Variants in CDH13 observed in about 807,000 individuals in gnomAD.
CDH13 encodes cadherin 13.
In CDH13, 24 loss-of-function variants were observed where a neutral mutation model predicts 63.8. The ratio of observed to expected loss-of-function variants is 0.38; its 90% CI spans 0.27 to 0.53. The LOEUF is 0.53. Ranked by LOEUF, CDH13 falls within the 20% of genes least tolerant of loss-of-function variation. CDH13 has a pLI of 0.85. For missense variants in CDH13, 1,049 were observed against 903.1 expected, an observed-to-expected ratio of 1.16 and a Z score of -2.07; for synonymous variants, 503 against 355.3, an observed-to-expected ratio of 1.42 and a Z score of -4.67.
At chr16:83,618,190 C>T (rs1355617116) in intron 8 of CDH13, among the ~76,000 whole-genome samples, 3 of 151,722 alleles carry the variant, frequency 2.0e-5, no homozygotes, top group Non-Finnish European at 4.4e-5. Flanking sequence ...TTTGGGAGGC[C>T]GAGGTGGGCT....
chr16:83,503,830 C>G (rs973737682), intron 7 of CDH13, among the ~76,000 whole-genome samples: 3 of 151,918 alleles, frequency 2.0e-5, no homozygotes, highest in African/African-American at 7.3e-5. Context: ...AATTTTCTCC[C>G]ATTCTATAGG....
At chr16:82,853,166 G>T (rs971905546) in intron 1 of CDH13, among the ~76,000 whole-genome samples, 1 of 152,128 alleles carries the variant, frequency 6.6e-6, no homozygotes, top group Non-Finnish European at 1.5e-5. Context: ...TCCTACAGAG[G>T]TAACACAACT....
chr16:83,070,855 G>GC (rs34273611), intron 3 of CDH13, among the ~76,000 whole-genome samples: 1,533 of 121,786 alleles, frequency 0.013, 12 homozygotes, highest in East Asian at 0.021. Context: ...GTAATAAACA[G>GC]CCCCCCCCCC....
intron 6 of CDH13, among the ~76,000 whole-genome samples, chr16:83,372,676 C>T (rs777949606): frequency 2.1e-5 from 3 of 146,310 alleles, no homozygotes; most frequent in Non-Finnish European, 4.5e-5. Context: ...GGCTTGAATC[C>T]GGGAGGCAGA....
At chr16:83,415,668 C>T (rs1278553166) in intron 6 of CDH13, among the ~76,000 whole-genome samples, 1 of 152,100 alleles carries the variant, frequency 6.6e-6, no homozygotes, top group East Asian at 1.9e-4. Flanking sequence ...ACATGATTGT[C>T]TCAGATGCAG....
At chr16:83,470,413 C>G (rs569636046) in intron 6 of CDH13, among the ~76,000 whole-genome samples, 3 of 152,326 alleles carry the variant, frequency 2.0e-5, no homozygotes, top group African/African-American at 7.2e-5. Context: ...AGGTAGCTCT[C>G]CTGGCCATCC....
At chr16:83,553,078 CAAA>C (rs55928810) in intron 7 of CDH13, among the ~76,000 whole-genome samples, 23 of 134,308 alleles carry the variant, frequency 1.7e-4, no homozygotes, top group South Asian at 2.5e-4. Flanking sequence ...GACTCCATCT[CAAA>C]AAAAAAAAAA....
intron 6 of CDH13, among the ~76,000 whole-genome samples, chr16:83,429,983 C>T (rs2072046099): frequency 1.3e-5 from 2 of 152,118 alleles, no homozygotes; most frequent in South Asian, 4.1e-4. Context: ...ACCACCATTC[C>T]CCTCTTTGAG....
At chr16:83,570,627 G>A (rs1904489389) in intron 7 of CDH13, among the ~76,000 whole-genome samples, 1 of 150,670 alleles carries the variant, frequency 6.6e-6, no homozygotes, top group African/African-American at 2.4e-5. Context: ...AACAGCAGGA[G>A]ACAAAGTCCA....
chr16:83,480,979 C>T (rs1406893980), intron 6 of CDH13, among the ~76,000 whole-genome samples: 1 of 152,196 alleles, frequency 6.6e-6, no homozygotes, highest in Admixed American at 6.5e-5. Context: ...GGATCCATGA[C>T]CACATTCTCC....
chr16:83,317,291 T>C (rs2090127814), intron 5 of CDH13, among the ~76,000 whole-genome samples: 2 of 152,170 alleles, frequency 1.3e-5, no homozygotes, highest in Admixed American at 6.5e-5. Context: ...ACCAGCAAGT[T>C]CTGTTGAAAG....
At chr16:83,626,209 C>G (rs79335645) in intron 8 of CDH13, among the ~76,000 whole-genome samples, 1 of 151,942 alleles carries the variant, frequency 6.6e-6, no homozygotes, top group Non-Finnish European at 1.5e-5. Context: ...TTTGCCGTAC[C>G]GCGTGTGCCG....
intron 4 of CDH13, among the ~76,000 whole-genome samples, chr16:83,187,883 C>T (rs1022294694): frequency 4.6e-5 from 7 of 152,024 alleles, no homozygotes; most frequent in South Asian, 2.1e-4. Flanking sequence ...AACAGGGAGG[C>T]CCTCAGTGAG....
Position 83,497,870 on chromosome 16 carries a change from A to C in CDH13, c.960+11215A>C, listed in dbSNP as rs181263432. Among the ~76,000 whole-genome samples the C allele has an allele frequency of 4.3e-4, 65 of 152,280 alleles. 4 individuals carry two copies. In the South Asian group the frequency reaches 0.012, roughly 28 times the overall value. ...ATCTGAAGTCCACTCTCAAAATATT[A>C]ACTCACACTTATTAATCATCACCTT... On this transcript the variant is annotated intron_variant, in intron 7 of 13. Transcript: ENST00000567109.
chr16:83,422,746 C>T (rs1367220644), intron 6 of CDH13, among the ~76,000 whole-genome samples: 1 of 152,118 alleles, frequency 6.6e-6, no homozygotes. Context: ...ATTGAGATTA[C>T]CCAAAGTTGC....
rs527597921 is a variant in CDH13 at position 82,806,206 on chromosome 16, G to C, written c.46-52156G>C. Among the ~76,000 whole-genome samples the C allele has an allele frequency of 7.2e-5, 11 of 152,272 alleles. No homozygotes were observed. In the South Asian group the frequency reaches 2.1e-3, roughly 29 times the overall value. The stretch of plus-strand genomic sequence containing the variant: ...TTGCTGAACTGGGCTTGGAGATGCA[G>C]CTCAGAGAGAAGACATGCCCTTGTC... On this transcript the variant is annotated intron_variant, in intron 1 of 13. Transcript: ENST00000567109.
chr16:82,998,149 C>A (rs2151419106), intron 2 of CDH13, among the ~76,000 whole-genome samples: 1 of 152,284 alleles, frequency 6.6e-6, no homozygotes. Context: ...GTCTCTTGAT[C>A]CTGGAACTTT....
At chr16:83,463,222 G>C (rs1253241476) in intron 6 of CDH13, among the ~76,000 whole-genome samples, 1 of 152,214 alleles carries the variant, frequency 6.6e-6, no homozygotes, top group Non-Finnish European at 1.5e-5. Context: ...CCAGGCGTCA[G>C]ATAGCACAGC....
intron 2 of CDH13, among the ~76,000 whole-genome samples, chr16:82,870,648 C>G (rs1315012758): frequency 6.6e-6 from 1 of 151,944 alleles, no homozygotes; most frequent in African/African-American, 2.4e-5. Flanking sequence ...TGGAATGTCC[C>G]TAACACAAAG....
Sources: gnomAD v4.1 joint callset for allele counts (sites outside exome capture counted in the v4.1 genomes callset) on GRCh38, gnomAD v4.1.1 for gene constraint, MANE v1.5 for transcripts, NCBI Gene and HGNC (gene_info 2026-07-23, HGNC 2026-07-21) for gene names.